The following COL25A1 variants were observed in gnomAD, a reference collection of about 807,000 sequenced individuals.
COL25A1 encodes collagen type XXV alpha 1 chain.
Under a neutral mutation model 128.4 loss-of-function variants are expected in COL25A1, and 103 were observed. That is an observed-to-expected ratio of 0.80 (90% confidence interval 0.68 to 0.94). COL25A1 has a LOEUF of 0.94. Ranked by LOEUF, COL25A1 falls within the 40% of genes least tolerant of loss-of-function variation. The pLI, the probability that COL25A1 is intolerant of heterozygous loss-of-function variation, is 0.00. For synonymous variants in COL25A1, 279 were observed against 277.2 expected (o/e 1.01, Z -0.06); for missense variants, 745 against 840.0 (o/e 0.89, Z 1.40).
At chr4:108,833,606 ATTCCAGCATGATTTTTC>A (rs1733429546) in intron 31 of COL25A1, among the ~76,000 whole-genome samples, 1 of 152,220 alleles carries the variant, frequency 6.6e-6, no homozygotes, top group African/African-American at 2.4e-5. Flanking sequence ...TGTAGGAACT[ATTCCAGCATGATTTTTC>A]TTTAGTATTC....
At chr4:109,096,900 G>T (rs559046602) in intron 3 of COL25A1, among the ~76,000 whole-genome samples, 1 of 152,164 alleles carries the variant, frequency 6.6e-6, no homozygotes, top group Non-Finnish European at 1.5e-5. Flanking sequence ...TTTAATTCAT[G>T]ATTCATTAAT....
chr4:109,258,395 C>T (rs1781217314), intron 3 of COL25A1, among the ~76,000 whole-genome samples: 2 of 152,058 alleles, frequency 1.3e-5, no homozygotes, highest in African/African-American at 2.4e-5. Context: ...GCTGTTTGAC[C>T]TTCTGTAAGT....
At chr4:109,241,441 T>C (rs1246784646) in intron 3 of COL25A1, among the ~76,000 whole-genome samples, 1 of 151,974 alleles carries the variant, frequency 6.6e-6, no homozygotes, top group Non-Finnish European at 1.5e-5. Context: ...ATAGAAACCT[T>C]GTTTTAATAA....
chr4:109,286,522 T>C (rs911858336), intron 3 of COL25A1, among the ~76,000 whole-genome samples: 5 of 152,206 alleles, frequency 3.3e-5, no homozygotes, highest in African/African-American at 1.2e-4. Context: ...CTGCAGAGTA[T>C]ATATTCTTGC....
At chr4:109,069,918 A>G (rs1762768728) in intron 3 of COL25A1, among the ~76,000 whole-genome samples, 1 of 152,138 alleles carries the variant, frequency 6.6e-6, no homozygotes. Context: ...TTGAAAATAA[A>G]AGCAAGATAA....
intron 3 of COL25A1, among the ~76,000 whole-genome samples, chr4:109,270,226 T>C (rs1044341516): frequency 2.0e-5 from 3 of 152,102 alleles, no homozygotes; most frequent in African/African-American, 7.2e-5. Flanking sequence ...CCAGGGCAAT[T>C]AGGCAGGAGA....
At chr4:108,949,810 C>T (rs1384189531) in intron 8 of COL25A1, among the ~76,000 whole-genome samples, 2 of 152,162 alleles carry the variant, frequency 1.3e-5, no homozygotes, top group Admixed American at 6.5e-5. Context: ...GCTGGGATTA[C>T]AGGCATGAGC....
intron 8 of COL25A1, among the ~76,000 whole-genome samples, chr4:108,948,373 TA>T (rs1282259708): frequency 6.6e-6 from 1 of 152,200 alleles, no homozygotes; most frequent in African/African-American, 2.4e-5. Flanking sequence ...TAACTGATGA[TA>T]AAAGATTGCC....
At chr4:109,109,784 C>A (rs1331309945) in intron 3 of COL25A1, among the ~76,000 whole-genome samples, 1 of 152,156 alleles carries the variant, frequency 6.6e-6, no homozygotes, top group Non-Finnish European at 1.5e-5. Flanking sequence ...ATGTCTACAT[C>A]CACATGTGAG....
chr4:108,991,605 C>T (rs1308575433), intron 6 of COL25A1, among the ~76,000 whole-genome samples: 1 of 152,110 alleles, frequency 6.6e-6, no homozygotes, highest in Non-Finnish European at 1.5e-5. Context: ...GGATAGACTA[C>T]ATTCTTAGTT....
intron 3 of COL25A1, among the ~76,000 whole-genome samples, chr4:109,070,021 C>T (rs1437737353): frequency 6.7e-6 from 1 of 149,936 alleles, no homozygotes; most frequent in African/African-American, 2.5e-5. Flanking sequence ...CTTTGGGAGG[C>T]CAAGGTGGGC....
At position 109,048,654 on chromosome 4, in the gene COL25A1, G is replaced by A. The variant is rs74746172; in HGVS notation, c.413-479C>T. Among the ~76,000 whole-genome samples the A allele has an allele frequency of 5.0e-3, 766 of 152,124 alleles. 33 individuals are homozygous for A. In the East Asian group the frequency reaches 0.1, roughly 21 times the overall value. ...AATATGCAAAAGACTAGGTCCTCAC[G>A]TTTATGTAAGTTTCTTTAAAACCAT... On this transcript the variant is annotated intron_variant, in intron 4 of 37. Transcript: ENST00000399132.
chr4:108,999,878 A>C (rs1331471028), intron 6 of COL25A1, among the ~76,000 whole-genome samples: 1 of 152,088 alleles, frequency 6.6e-6, no homozygotes, highest in African/African-American at 2.4e-5. Flanking sequence ...AGAAAACCAA[A>C]CACCACATGT....
chr4:109,135,502 A>G (rs1179081713), intron 3 of COL25A1, among the ~76,000 whole-genome samples: 1 of 152,304 alleles, frequency 6.6e-6, no homozygotes, highest in African/African-American at 2.4e-5. Context: ...CTAGATTAGA[A>G]GCAAATATAC....
intron 3 of COL25A1, among the ~76,000 whole-genome samples, chr4:109,299,259 T>C (rs1424157045): frequency 6.6e-6 from 1 of 152,164 alleles, no homozygotes; most frequent in Non-Finnish European, 1.5e-5. Flanking sequence ...GATGAGGTGG[T>C]TGAGTTAATT....
At chr4:108,914,773 C>T (rs1744671448) in intron 13 of COL25A1, among the ~76,000 whole-genome samples, 1 of 150,832 alleles carries the variant, frequency 6.6e-6, no homozygotes. Flanking sequence ...CCCACCTTGG[C>T]CTCCCAAAGC....
intron 13 of COL25A1, among the ~76,000 whole-genome samples, chr4:108,916,556 C>A (rs1744898900): frequency 6.6e-6 from 1 of 152,082 alleles, no homozygotes; most frequent in African/African-American, 2.4e-5. Context: ...AAAAGGAAAA[C>A]ATTATTAATC....
chr4:109,293,326 G>A (rs994881752), intron 3 of COL25A1, among the ~76,000 whole-genome samples: 1 of 152,026 alleles, frequency 6.6e-6, no homozygotes, highest in Non-Finnish European at 1.5e-5. Context: ...ATATGATTCT[G>A]AGAGCTAAGG....
intron 3 of COL25A1, among the ~76,000 whole-genome samples, chr4:109,069,433 C>G (rs1762733096): frequency 6.6e-6 from 1 of 152,082 alleles, no homozygotes; most frequent in African/African-American, 2.4e-5. Context: ...AGGCTGGTCT[C>G]AAACTCGTGG....
Sources: allele counts gnomAD v4.1 joint callset (sites outside exome capture counted in the v4.1 genomes callset), GRCh38; gene constraint gnomAD v4.1.1; transcripts MANE v1.5; gene names NCBI Gene and HGNC (gene_info 2026-07-23, HGNC 2026-07-21).